The following VAPB variants were observed in gnomAD, a reference collection of about 807,000 sequenced individuals.
The protein encoded by VAPB is VAMP associated protein B and C, also known as vesicle-associated membrane protein-associated protein B/C.
VAPB carries 7 observed loss-of-function variants against 25.6 expected under a neutral mutation model. That is an observed-to-expected ratio of 0.27 (90% CI 0.16 to 0.51). The LOEUF is 0.51. Ranked by LOEUF, VAPB falls within the 20% of genes least tolerant of loss-of-function variation. The pLI, the probability that VAPB is intolerant of heterozygous loss-of-function variation, is 0.97. For missense variants in VAPB, 266 were observed against 301.3 expected (o/e 0.88, Z 0.87); for synonymous variants, 112 against 109.2 (o/e 1.03, Z -0.16).
In VAPB at chr20:58,450,811, G is replaced by A. The variant is rs1254667460; in HGVS notation, c.*6576G>A. ...CCTTTATGTATTTTTCATTGTATTTGCTGTTTTGACATGGAAGTAATTTAA... is the reference window on the plus strand; with the variant it reads ...CCTTTATGTATTTTTCATTGTATTTACTGTTTTGACATGGAAGTAATTTAA... On this transcript the variant is annotated 3_prime_UTR_variant, in exon 6 of 6. Transcript: ENST00000475243. 2.2e-6 allele frequency: 1 copy of A among 454,024 alleles called. No homozygotes were observed. The highest frequency in any genetic ancestry group is 6.9e-5 in the East Asian group (1 of 14,394). 28.1% of individuals were successfully genotyped at this position (454,024 alleles called of 1,614,324 possible).
rs765980772 is a variant in VAPB, at chr20:58,418,366, A to G, written c.211+3A>G. On this transcript the variant is annotated splice_donor_region_variant and intron_variant, in intron 2 of 5. Transcript: ENST00000475243. Reference sequence around the variant, plus strand: ...AGGGGCCTCAATTAATGTATCTGGTAAGTCCTGAGACTGGAGGCCTAGAGG... The same window carrying G: ...AGGGGCCTCAATTAATGTATCTGGTGAGTCCTGAGACTGGAGGCCTAGAGG... 6.2e-7 allele frequency: 1 copy of G among 1,614,044 alleles called. No homozygotes were observed. The highest frequency in any genetic ancestry group is 8.5e-7 in the Non-Finnish European group (1 of 1,179,970).
intron 5 of VAPB, among the ~76,000 whole-genome samples, chr20:58,442,860 C>A (rs542437761): frequency 6.6e-6 from 1 of 152,066 alleles, no homozygotes; most frequent in Admixed American, 6.5e-5. Flanking sequence ...ACTAGGTACT[C>A]GGGCGGATGG....
chr20:58,396,380 G>C (rs1405376051), intron 1 of VAPB, among the ~76,000 whole-genome samples: 2 of 152,206 alleles, frequency 1.3e-5, no homozygotes, highest in Non-Finnish European at 2.9e-5. Context: ...TTCAGCCTTT[G>C]CCCATCTGGG....
intron 1 of VAPB, among the ~76,000 whole-genome samples, chr20:58,413,723 C>CGG (rs1988441983): frequency 6.6e-6 from 1 of 151,796 alleles, no homozygotes; most frequent in African/African-American, 2.4e-5. Flanking sequence ...TAGGGGCGGC[C>CGG]GGGCAGAGGC....
chr20:58,416,889 T>C (rs1459245944), intron 1 of VAPB, among the ~76,000 whole-genome samples: 1 of 152,212 alleles, frequency 6.6e-6, no homozygotes, highest in East Asian at 1.9e-4. Flanking sequence ...GAGATCTTTA[T>C]TCTATGCCAG....
rs1296995497 is a variant in VAPB, at chr20:58,390,608, G to T, written c.58+1091G>T. The stretch of plus-strand genomic sequence containing the variant: ...TAGTGCTAAGTGCTGTGTAGGAAAT[G>T]GAACAGTCTGACTCCATGGAAGCGT... On this transcript the variant is annotated intron_variant, in intron 1 of 5. Transcript: ENST00000475243. Among the ~76,000 whole-genome samples the T allele has an allele frequency of 2.6e-5, 4 of 152,124 alleles. No homozygotes were observed. In the East Asian group the frequency reaches 7.7e-4, roughly 29 times the overall value.
intron 2 of VAPB, among the ~76,000 whole-genome samples, chr20:58,431,822 G>A (rs1988935518): frequency 6.6e-6 from 1 of 152,138 alleles, no homozygotes; most frequent in South Asian, 2.1e-4. Flanking sequence ...GCCTCCCAAA[G>A]TGCTGGTGTT....
rs1420024332 is a variant in VAPB at position 58,450,605 on chromosome 20, C to T, written c.*6370C>T. ...GTTCCTTTCGCCTTTCCTCTGCTTT[C>T]TGAATAAATGGTTTCAGTAACCCAT... On this transcript the variant is annotated 3_prime_UTR_variant, in exon 6 of 6. Coordinates refer to ENST00000475243, the MANE Select transcript of VAPB (RefSeq NM_004738.5). 2.2e-6 allele frequency: 1 copy of T among 453,922 alleles called. No individual in the cohort carries two copies. The highest frequency in any genetic ancestry group is 2.4e-5 in the Admixed American group (1 of 42,540). The allele number at this position is 453,922 out of a possible 1,614,324, so 28.1% of individuals were successfully genotyped here.
intron 2 of VAPB, among the ~76,000 whole-genome samples, chr20:58,427,301 T>G (rs1196167724): frequency 6.6e-6 from 1 of 151,018 alleles, no homozygotes; most frequent in African/African-American, 2.4e-5. Flanking sequence ...ATCTGTGATC[T>G]GTGATCTGTT....
intron 1 of VAPB, among the ~76,000 whole-genome samples, chr20:58,400,862 A>G (rs1988080474): frequency 1.3e-5 from 2 of 152,344 alleles, no homozygotes; most frequent in African/African-American, 4.8e-5. Context: ...TGGCATGTAA[A>G]TATATCCTGA....
In VAPB at chr20:58,447,598, G is replaced by A. The variant is rs1989325006; in HGVS notation, c.*3363G>A. 3 of 454,002 alleles carry A rather than the reference G, an allele frequency of 6.6e-6. No individual in the cohort carries two copies. Among genetic ancestry groups the A allele is most frequent in the African/African-American group, 2.0e-5 (1 of 50,002 alleles). 28.1% of individuals were successfully genotyped at this position (454,002 alleles called of 1,614,324 possible). ...TATGTTGAGTCAGATAGAACTGAAT[G>A]TAGTGAGAGCTCAGAGCTACAGAGC... On this transcript the variant is annotated 3_prime_UTR_variant, in exon 6 of 6. Coordinates refer to ENST00000475243, the MANE Select transcript of VAPB (RefSeq NM_004738.5).
chr20:58,448,636 G>T lies in VAPB; in HGVS notation c.*4401G>T, dbSNP rs1267943530. The T allele has an allele frequency of 1.1e-5, 5 of 453,950 alleles. No homozygotes were observed. Among genetic ancestry groups the T allele is most frequent in the South Asian group, 7.8e-5 (5 of 64,484 alleles). 28.1% of individuals were successfully genotyped at this position (453,950 alleles called of 1,614,324 possible). ...GGAAGTGAGTGGATGAGGCCTTCCT[G>T]CCTCAGCTACTCTGCCCGTCTGTAC... is the stretch of plus-strand genomic sequence containing the variant. On this transcript the variant is annotated 3_prime_UTR_variant, in exon 6 of 6. Coordinates refer to ENST00000475243, the MANE Select transcript of VAPB (RefSeq NM_004738.5).
intron 5 of VAPB, 48 bp downstream of exon 5, chr20:58,441,131 C>G (rs369570172): frequency 5.0e-6 from 8 of 1,595,098 alleles, no homozygotes; most frequent in Non-Finnish European, 6.9e-6. Context: ...GGCGTTTTCA[C>G]TAGCTTCTTG....
intron 1 of VAPB, among the ~76,000 whole-genome samples, chr20:58,409,022 C>G (rs1042808063): frequency 2.6e-5 from 4 of 151,852 alleles, no homozygotes; most frequent in African/African-American, 9.7e-5. Context: ...TTTATTCACC[C>G]AGAGCCTGGA....
At chr20:58,409,123 T>C (rs1483182257) in intron 1 of VAPB, among the ~76,000 whole-genome samples, 1 of 152,168 alleles carries the variant, frequency 6.6e-6, no homozygotes, top group Admixed American at 6.5e-5. Flanking sequence ...TCAGCAAATA[T>C]ATTATTGAGC....
intron 2 of VAPB, among the ~76,000 whole-genome samples, chr20:58,419,065 C>T (rs1230150769): frequency 6.6e-6 from 1 of 152,158 alleles, no homozygotes; most frequent in Non-Finnish European, 1.5e-5. Context: ...ATGGAATAAA[C>T]TTTTAGCTCA....
At chr20:58,397,489 A>G (rs2123021997) in intron 1 of VAPB, among the ~76,000 whole-genome samples, 1 of 151,632 alleles carries the variant, frequency 6.6e-6, no homozygotes, top group Non-Finnish European at 1.5e-5. Context: ...ATCGCACTCC[A>G]GCCTGGGCAA....
chr20:58,412,492 G>A (rs1293422417), intron 1 of VAPB, among the ~76,000 whole-genome samples: 4 of 150,340 alleles, frequency 2.7e-5, no homozygotes, highest in African/African-American at 9.8e-5. Context: ...CATGAGAATC[G>A]CTTGAACCTG....
chr20:58,400,719 T>C (rs1376083300), intron 1 of VAPB, among the ~76,000 whole-genome samples: 1 of 152,232 alleles, frequency 6.6e-6, no homozygotes, highest in East Asian at 1.9e-4. Context: ...TTTGGTCATC[T>C]TTTCAGTGTT....
Sources: allele counts gnomAD v4.1 joint callset (sites outside exome capture counted in the v4.1 genomes callset), GRCh38; gene constraint gnomAD v4.1.1; transcripts MANE v1.5; gene names NCBI Gene and HGNC (gene_info 2026-07-23, HGNC 2026-07-21).